ADARB2: variants seen among roughly 807,000 people sequenced by gnomAD.
The protein encoded by ADARB2 is adenosine deaminase RNA specific B2 (inactive).
In ADARB2, 25 loss-of-function variants were observed where a neutral mutation model predicts 62.2. The observed-to-expected ratio is 0.40, with a 90% CI of 0.29 to 0.56. The LOEUF is 0.56. Ranked by LOEUF, ADARB2 falls within the 20% of genes least tolerant of loss-of-function variation. The pLI is 0.43. For missense variants in ADARB2, 1,071 were observed against 1,077.4 expected (o/e 0.99, Z 0.08); for synonymous variants, 572 against 500.8 (o/e 1.14, Z -1.90).
chr10:1,223,361 A>G (rs1483895407), intron 6 of ADARB2, among the ~76,000 whole-genome samples: 2 of 152,236 alleles, frequency 1.3e-5, no homozygotes, highest in African/African-American at 4.8e-5. Flanking sequence ...GTCATCTGCA[A>G]ACAGGGACAA....
chr10:1,640,017 G>C (rs1384035638), intron 1 of ADARB2, among the ~76,000 whole-genome samples: 1 of 152,184 alleles, frequency 6.6e-6, no homozygotes, highest in African/African-American at 2.4e-5. Context: ...TTGGCGGGAA[G>C]ATCTGAAGTG....
chr10:1,493,132 C>T (rs555836004), intron 1 of ADARB2, among the ~76,000 whole-genome samples: 6 of 152,326 alleles, frequency 3.9e-5, no homozygotes, highest in Admixed American at 1.3e-4. Context: ...ACCTAATGTA[C>T]ACTTCGATTA....
At chr10:1,578,460 C>T (rs1833050263) in intron 1 of ADARB2, among the ~76,000 whole-genome samples, 1 of 152,178 alleles carries the variant, frequency 6.6e-6, no homozygotes, top group African/African-American at 2.4e-5. Flanking sequence ...CAGACTTGAG[C>T]TTGAACAAGT....
chr10:1,446,856 G>A (rs967928664), intron 1 of ADARB2, among the ~76,000 whole-genome samples: 1 of 152,146 alleles, frequency 6.6e-6, no homozygotes. Flanking sequence ...TCCTGCCAAA[G>A]TGCCTGACTT....
At chr10:1,246,672 G>T (rs1199500027) in intron 4 of ADARB2, among the ~76,000 whole-genome samples, 1 of 106,858 alleles carries the variant, frequency 9.4e-6, no homozygotes, top group Admixed American at 9.3e-5. Flanking sequence ...ATTTCTGAGG[G>T]CTCTGTTCTG....
chr10:1,219,200 G>A (rs998921212), intron 6 of ADARB2, among the ~76,000 whole-genome samples: 2 of 152,084 alleles, frequency 1.3e-5, no homozygotes, highest in South Asian at 2.1e-4. Flanking sequence ...TATAGCCTGT[G>A]GAACCTCAAG....
intron 1 of ADARB2, among the ~76,000 whole-genome samples, chr10:1,409,873 G>A (rs1325009252): frequency 1.7e-5 from 2 of 118,240 alleles, no homozygotes; most frequent in Non-Finnish European, 3.9e-5. Context: ...TGGTGCTGAG[G>A]CCTGGCTGTG....
chr10:1,537,124 CA>C (rs1205946214), intron 1 of ADARB2, among the ~76,000 whole-genome samples: 1 of 152,080 alleles, frequency 6.6e-6, no homozygotes, highest in African/African-American at 2.4e-5. Context: ...AAGAAAAAAA[CA>C]AACAACCCCG....
At chr10:1,672,717 T>TCCTCCACGCACCGCAAGGCTCCTGCCTC (rs1554780122) in intron 1 of ADARB2, among the ~76,000 whole-genome samples, 1 of 88,014 alleles carries the variant, frequency 1.1e-5, no homozygotes, top group Admixed American at 1.2e-4. Flanking sequence ...CCCGCCTGCC[T>TCCTCCACGCACCGCAAGGCTCCTGCCTC]CCTCCACGCA....
intron 1 of ADARB2, among the ~76,000 whole-genome samples, chr10:1,695,807 T>G (rs1834733998): frequency 6.6e-6 from 1 of 151,970 alleles, no homozygotes. Context: ...TGTGTATATA[T>G]GTACATGTGT....
At chr10:1,450,317 G>C (rs10903450) in intron 1 of ADARB2, among the ~76,000 whole-genome samples, 12 of 152,236 alleles carry the variant, frequency 7.9e-5, no homozygotes, top group African/African-American at 2.9e-4. Context: ...ATCATTATGG[G>C]TGTGTCTGTC....
At chr10:1,267,673 G>T (rs1207410378) in intron 4 of ADARB2, among the ~76,000 whole-genome samples, 1 of 152,180 alleles carries the variant, frequency 6.6e-6, no homozygotes, top group Non-Finnish European at 1.5e-5. Context: ...TTTCAAAAGC[G>T]ATATAAGCAA....
chr10:1,526,644 G>C (rs1019567881), intron 1 of ADARB2: 5 of 245,936 alleles, frequency 2.0e-5, no homozygotes, highest in African/African-American at 1.2e-4. Context: ...GGCCTCACCA[G>C]ATGCAGATGC....
intron 2 of ADARB2, among the ~76,000 whole-genome samples, chr10:1,371,987 T>C (rs943890559): frequency 7.2e-5 from 11 of 151,964 alleles, no homozygotes; most frequent in Admixed American, 5.9e-4. Flanking sequence ...AAGAAAATCA[T>C]TACATAAAAA....
intron 1 of ADARB2, among the ~76,000 whole-genome samples, chr10:1,480,254 G>C (rs907778664): frequency 1.3e-5 from 2 of 152,194 alleles, no homozygotes; most frequent in Non-Finnish European, 2.9e-5. Context: ...AAAATTATCT[G>C]TTTGCAGGTG....
chr10:1,379,243 T>C (rs1832460875), intron 1 of ADARB2, 83 bp from the exon 2 acceptor site: 1 of 1,192,712 alleles, frequency 8.4e-7, no homozygotes. Context: ...TATTACTGAA[T>C]GTTGGACAAG....
intron 1 of ADARB2, among the ~76,000 whole-genome samples, chr10:1,393,333 C>T (rs1198339630): frequency 1.3e-5 from 2 of 152,202 alleles, no homozygotes; most frequent in Non-Finnish European, 2.9e-5. Context: ...TGGTATCCAT[C>T]CCCTCAAGCA....
intron 1 of ADARB2, among the ~76,000 whole-genome samples, chr10:1,431,789 T>C (rs749018650): frequency 4.6e-5 from 7 of 152,220 alleles, no homozygotes; most frequent in Non-Finnish European, 1.0e-4. Flanking sequence ...ACAGAACGTG[T>C]AGTTTTTAAA....
chr10:1,498,828 T>C (rs1027960043), intron 1 of ADARB2, among the ~76,000 whole-genome samples: 5 of 152,200 alleles, frequency 3.3e-5, no homozygotes. Context: ...TATTCACTCA[T>C]CACTCACTCA....
Sources: allele counts gnomAD v4.1 joint callset (sites outside exome capture counted in the v4.1 genomes callset), GRCh38; gene constraint gnomAD v4.1.1; transcripts MANE v1.5; gene names NCBI Gene and HGNC (gene_info 2026-07-23, HGNC 2026-07-21).